ICA1: variants seen among roughly 807,000 people sequenced by gnomAD.
ICA1 encodes the protein 69 kDa islet cell autoantigen.
A neutral mutation model predicts 71.0 loss-of-function variants in ICA1; 40 were observed. The ratio of observed to expected loss-of-function variants is 0.56; its 90% confidence interval spans 0.44 to 0.73. ICA1 has a LOEUF of 0.73. Ranked by LOEUF, ICA1 falls within the 30% of genes least tolerant of loss-of-function variation. The pLI is 0.00. For missense variants in ICA1, 578 were observed against 576.5 expected, an observed-to-expected ratio of 1.00 and a Z score of -0.03; for synonymous variants, 207 against 209.5, an observed-to-expected ratio of 0.99 and a Z score of 0.10.
chr7:8,171,377 T>A (rs955785609), intron 6 of ICA1, among the ~76,000 whole-genome samples: 35 of 152,078 alleles, frequency 2.3e-4, no homozygotes, highest in African/African-American at 8.4e-4. Context: ...TGGTAGCTTG[T>A]CTTTAAAGGG....
chr7:8,119,771 G>A (rs1344728269), intron 13 of ICA1, among the ~76,000 whole-genome samples: 4 of 152,310 alleles, frequency 2.6e-5, no homozygotes, highest in African/African-American at 4.8e-5. Context: ...GCTTGAACCC[G>A]GGAGGCGGAG....
intron 6 of ICA1, among the ~76,000 whole-genome samples, chr7:8,197,920 G>T (rs1788251126): frequency 6.6e-6 from 1 of 152,214 alleles, no homozygotes; most frequent in African/African-American, 2.4e-5. Flanking sequence ...TGATAGGATG[G>T]AATGGATGTT....
At chr7:8,150,546 G>C (rs911908764) in intron 8 of ICA1, among the ~76,000 whole-genome samples, 1 of 152,174 alleles carries the variant, frequency 6.6e-6, no homozygotes, top group Non-Finnish European at 1.5e-5. Context: ...GCTATTACCA[G>C]GTAGAAGCAA....
At chr7:8,134,060 T>C (rs1280892281) in intron 12 of ICA1, among the ~76,000 whole-genome samples, 1 of 152,174 alleles carries the variant, frequency 6.6e-6, no homozygotes, top group African/African-American at 2.4e-5. Flanking sequence ...ATTAAGGATC[T>C]CATGTATAAA....
rs1222953472 is a variant in ICA1 at position 8,152,877 on chromosome 7, ACCT to A, written c.804+4236_804+4238del. Among the ~76,000 whole-genome samples, 31 of 16,562 alleles carry A rather than the reference ACCT, an allele frequency of 1.9e-3. 1 individual carries two copies. Among genetic ancestry groups the A allele is most frequent in the South Asian group, 1.7e-3 (1 of 590 alleles). 10.9% of individuals were successfully genotyped at this position (16,562 alleles called of 152,430 possible). A position where few individuals can be genotyped will look rare whatever the true frequency, so the allele number is the denominator to read the frequency against. ...CACCTCCTCCGCCACCATCACCATC[ACCT>A]CCACCACCACTACCACCATTATCTC... On this transcript the variant is annotated intron_variant, in intron 8 of 13. Transcript: ENST00000402384.
chr7:8,182,124 C>T (rs549697597), intron 6 of ICA1, among the ~76,000 whole-genome samples: 20 of 152,090 alleles, frequency 1.3e-4, no homozygotes, highest in Admixed American at 3.3e-4. Context: ...CACTCTTACC[C>T]TTTTTTTTCC....
At chr7:8,179,543 C>T (rs1781567928) in intron 6 of ICA1, among the ~76,000 whole-genome samples, 1 of 152,156 alleles carries the variant, frequency 6.6e-6, no homozygotes, top group Admixed American at 6.5e-5. Context: ...TGTTGTATAA[C>T]AACTATCGAA....
intron 6 of ICA1, among the ~76,000 whole-genome samples, chr7:8,210,748 T>G (rs775755874): frequency 4.6e-5 from 7 of 152,168 alleles, no homozygotes; most frequent in Non-Finnish European, 1.0e-4. Flanking sequence ...GGGGTCTCAC[T>G]CTGTCTCCCA....
rs1448077808 is a variant in ICA1 at position 8,234,946 on chromosome 7, A to G, written c.17+964T>C. 6.6e-6 allele frequency among the ~76,000 whole-genome samples: 1 copy of G among 152,108 alleles called. No homozygotes were observed. Among genetic ancestry groups the G allele is most frequent in the Non-Finnish European group, 1.5e-5 (1 of 68,016 alleles). On this transcript the variant is annotated intron_variant, in intron 2 of 13. Transcript: ENST00000402384. The surrounding 1 kb of genome is among the most constrained non-coding windows in gnomAD (Gnocchi z 4.5). ...TTTGGGAGGCTGAGGTGGGCAGATC[A>G]TGAGGTCAAGAGATCGAGACCATCC... is the stretch of plus-strand genomic sequence containing the variant.
intron 6 of ICA1, among the ~76,000 whole-genome samples, chr7:8,165,114 G>T (rs1410680783): frequency 6.6e-6 from 1 of 152,064 alleles, no homozygotes; most frequent in Non-Finnish European, 1.5e-5. Flanking sequence ...AAAACAGAAG[G>T]TCAGATATTT....
chr7:8,185,368 C>T (rs529214202), intron 6 of ICA1, among the ~76,000 whole-genome samples: 1 of 152,172 alleles, frequency 6.6e-6, no homozygotes, highest in Non-Finnish European at 1.5e-5. Context: ...ATGCATCTGG[C>T]CATCCACATC....
rs142208758 is a variant in ICA1, at chr7:8,216,584, C to CAAAAAAA, written c.579+1714_579+1720dup. 1.6e-4 allele frequency among the ~76,000 whole-genome samples: 23 copies of CAAAAAAA among 143,730 alleles called. No individual in the cohort carries two copies. In the South Asian group the frequency reaches 2.8e-3, roughly 18 times the overall value. 94.3% of individuals were successfully genotyped at this position (143,730 alleles called of 152,430 possible). ...AGTAACCACCCCCACAAAACAAAAC[C>CAAAAAAA]AAAAAAAAAATTCCACATAAAATTC... On this transcript the variant is annotated intron_variant, in intron 6 of 13. Transcript: ENST00000402384.
chr7:8,175,299 C>T (rs531766524), intron 6 of ICA1, among the ~76,000 whole-genome samples: 32 of 152,208 alleles, frequency 2.1e-4, no homozygotes, highest in Non-Finnish European at 3.2e-4. Context: ...GTGGCTAAGA[C>T]GGTTAATCAT....
chr7:8,248,319 T>A (rs1241760321), intron 1 of ICA1, among the ~76,000 whole-genome samples: 1 of 151,266 alleles, frequency 6.6e-6, no homozygotes, highest in Non-Finnish European at 1.5e-5. Context: ...AAATTTGTCA[T>A]TTTCCTCTTT....
chr7:8,253,777 G>C (rs1809049386), intron 1 of ICA1, among the ~76,000 whole-genome samples: 1 of 152,170 alleles, frequency 6.6e-6, no homozygotes, highest in Admixed American at 6.5e-5. Flanking sequence ...TTTCATAGCT[G>C]AGGGTGGTCC....
chr7:8,221,162 C>T (rs188068613), intron 5 of ICA1, 113 bp downstream of exon 5: 706 of 1,308,340 alleles, frequency 5.4e-4, no homozygotes, highest in Non-Finnish European at 6.6e-4. Context: ...AGCAGCTCCT[C>T]AGCCTCAGGC....
chr7:8,142,016 T>C (rs750103090), intron 9 of ICA1, 199 bp from the exon 10 acceptor site: 257 of 1,483,044 alleles, frequency 1.7e-4, no homozygotes, highest in Middle Eastern at 1.6e-3. Flanking sequence ...TCTTAATATC[T>C]GAATTTGCTT....
intron 6 of ICA1, among the ~76,000 whole-genome samples, chr7:8,175,155 TG>T (rs368067010): frequency 1.3e-3 from 203 of 151,790 alleles, no homozygotes; most frequent in African/African-American, 4.7e-3. Flanking sequence ...GGGCACAGAG[TG>T]GGCTGGCCAA....
intron 6 of ICA1, among the ~76,000 whole-genome samples, chr7:8,217,591 C>G (rs957100429): frequency 6.6e-6 from 1 of 152,174 alleles, no homozygotes; most frequent in Non-Finnish European, 1.5e-5. Context: ...GGCGACCAAA[C>G]AAAGAACTAC....
Sources: allele counts gnomAD v4.1 joint callset (sites outside exome capture counted in the v4.1 genomes callset), GRCh38; gene constraint gnomAD v4.1.1; non-coding constraint Gnocchi (gnomAD v3.1); transcripts MANE v1.5; gene names NCBI Gene and HGNC (gene_info 2026-07-23, HGNC 2026-07-21).